The following VWA7 variants were observed in gnomAD, a reference collection of about 807,000 sequenced individuals.
VWA7 encodes von Willebrand factor A domain containing 7, also known as von Willebrand factor A domain-containing protein 7.
A neutral mutation model predicts 83.1 loss-of-function variants in VWA7; 66 were observed. The observed-to-expected ratio is 0.79, with a 90% CI of 0.65 to 0.98. VWA7 has a LOEUF of 0.98. Ranked by LOEUF, VWA7 falls within the 50% of genes least tolerant of loss-of-function variation. The pLI is 0.00. For missense variants in VWA7, 1,080 were observed against 1,160.2 expected (o/e 0.93, Z 1.00); for synonymous variants, 424 against 488.5 (o/e 0.87, Z 1.74).
At chr6:31,774,399 G>T in intron 5 of VWA7, 117 bp downstream of exon 5, 4 of 978,990 alleles carry the variant, frequency 4.1e-6, no homozygotes, top group Non-Finnish European at 6.0e-6. Context: ...CCTGTTCCCA[G>T]CATCCTCTCC....
Position 31,766,808 on chromosome 6 carries a change from A to G in VWA7, c.1883-44T>C, listed in dbSNP as rs1444716000. On this transcript the variant is annotated intron_variant, in intron 13 of 16. Transcript: ENST00000375688. This position sits in a 1 kb window ranked among gnomAD's most constrained non-coding sequence, Gnocchi z 4.9. The stretch of plus-strand genomic sequence containing the variant: ...GGGGAGAACATTGTGAGATTCGGAG[A>G]CACAGGGAGAAAAGAATTAATGGCC... 1.3e-6 allele frequency: 2 copies of G among 1,553,908 alleles called. No homozygotes were observed. The highest frequency in any genetic ancestry group is 2.3e-5 in the East Asian group (1 of 44,098).
At chr6:31,774,980 G>T (rs1426369058) in intron 4 of VWA7, among the ~76,000 whole-genome samples, 1 of 152,156 alleles carries the variant, frequency 6.6e-6, no homozygotes, top group African/African-American at 2.4e-5. Flanking sequence ...AACACAGTAC[G>T]TGTAGGGACC....
Position 31,770,001 on chromosome 6 carries a change from C to G in VWA7, c.1200G>C (p.Gln400His), listed in dbSNP as rs981630518. Residue 400 changes from glutamine (Q) to histidine (H), a missense_variant and splice_region_variant, in exon 8 of 17, where the codon CAG becomes CAC. Gln to His is a conservative substitution (Grantham distance 24). Coordinates refer to ENST00000375688, the MANE Select transcript of VWA7 (RefSeq NM_025258.3). Reference sequence around the variant, plus strand: ...ACGGGGAAGAAGGGAGGGGCCAGACCTGCAGGGCTGACAGGCACATCTCAG... The same window carrying G: ...ACGGGGAAGAAGGGAGGGGCCAGACGTGCAGGGCTGACAGGCACATCTCAG... ...DEPEMCLSAL[Q>H]LALLHTPPLS... The G allele has an allele frequency of 6.8e-6, 11 of 1,612,674 alleles. No individual in the cohort carries two copies. The African/African-American group carries it at 1.2e-4, about 18-fold the overall frequency.
In VWA7 at chr6:31,774,661, C is replaced by T. The variant is rs770283964; in HGVS notation, c.611-35G>A. Reference sequence around the variant, plus strand: ...GAGGGCAGGGCTAGAACCCAAGATTCTGCCACCCCCAGCCTTTATCCCCAC... The same window carrying T: ...GAGGGCAGGGCTAGAACCCAAGATTTTGCCACCCCCAGCCTTTATCCCCAC... On this transcript the variant is annotated intron_variant, in intron 4 of 16. Coordinates refer to ENST00000375688, the MANE Select transcript of VWA7 (RefSeq NM_025258.3). 33 of 1,571,612 alleles carry T rather than the reference C, an allele frequency of 2.1e-5. No homozygotes were observed. The South Asian group carries it at 3.5e-4, about 17-fold the overall frequency.
Position 31,769,041 on chromosome 6 carries a change from C to T in VWA7, c.1480G>A (p.Val494Ile). The change falls in exon 10 of 17, where the codon GTT (valine) becomes ATT (isoleucine). Residue 494 changes from valine (V) to isoleucine (I), a missense_variant. Physicochemically the swap from Val to Ile is conservative, Grantham distance 29. Transcript: ENST00000375688. This position sits in a 1 kb window ranked among gnomAD's most constrained non-coding sequence, Gnocchi z 4.5. ...ACCAGGGCAGCCATGCTCTCCCCAA[C>T]AATGGCTGCCACGTCTCGAATGTGC... Reference protein sequence around the residue: ...DQHIRDVAAIVGESMAALVTL... With the variant: ...DQHIRDVAAIIGESMAALVTL... 6.2e-7 allele frequency: 1 copy of T among 1,612,310 alleles called. No homozygotes were observed. Among genetic ancestry groups the T allele is most frequent in the Non-Finnish European group, 8.5e-7 (1 of 1,179,708 alleles).
In VWA7 at chr6:31,765,766, C is replaced by G. The variant is rs375942272; in HGVS notation, c.2504G>C (p.Arg835Pro). Residue 835 changes from arginine (R) to proline (P), a missense_variant, in exon 17 of 17, where the codon CGG becomes CCG. By Grantham distance (103) the Arg-to-Pro change is moderately radical. Transcript: ENST00000375688. ...AGATGAGCCGGTAGGGGTGGTGTGC[C>G]GGTCCTGTGGGGAAAAGGAAGAGAA... ...LLVSAPAPQDRHTTPTGSSDP... is the reference protein window; with the variant it reads ...LLVSAPAPQDPHTTPTGSSDP... 1.9e-6 allele frequency: 3 copies of G among 1,585,368 alleles called. No homozygotes were observed. Among genetic ancestry groups the G allele is most frequent in the Non-Finnish European group, 2.6e-6 (3 of 1,164,628 alleles).
rs188181884 is a variant in VWA7, at chr6:31,766,112, C to G, written c.2325-55G>C. 19 of 1,602,884 alleles carry G rather than the reference C, an allele frequency of 1.2e-5. No individual in the cohort carries two copies. The Admixed American group carries it at 1.7e-4, about 14-fold the overall frequency. ...CTCCAGGCTGCCCAGAGCCTAGAGTCGGGACGCCTGCAGGGGCACGGGAGC... is the reference window on the plus strand; with the variant it reads ...CTCCAGGCTGCCCAGAGCCTAGAGTGGGGACGCCTGCAGGGGCACGGGAGC... On this transcript the variant is annotated intron_variant, in intron 15 of 16. Coordinates refer to ENST00000375688, the MANE Select transcript of VWA7 (RefSeq NM_025258.3). The surrounding 1 kb of genome is among the most constrained non-coding windows in gnomAD (Gnocchi z 4.9).
chr6:31,774,386 C>T, intron 5 of VWA7, 130 bp downstream of exon 5: 2 of 860,730 alleles, frequency 2.3e-6, no homozygotes, highest in East Asian at 2.7e-5. Context: ...TTCCTCCACC[C>T]ACCCTGTTCC....
chr6:31,767,010 A>G (rs28478566), intron 13 of VWA7, 148 bp downstream of exon 13: 2 of 480,134 alleles, frequency 4.2e-6, no homozygotes, highest in African/African-American at 4.0e-5. Context: ...TATGTAAATT[A>G]TAACTCAATA....
chr6:31,772,932 G>A, intron 7 of VWA7, 22 bp downstream of exon 7: 1 of 1,605,624 alleles, frequency 6.2e-7, no homozygotes, highest in South Asian at 1.1e-5. Context: ...CCCCTCTACT[G>A]TCCTAGCCAG....
intron 7 of VWA7, among the ~76,000 whole-genome samples, chr6:31,771,003 C>T (rs565151594): frequency 7.5e-6 from 1 of 133,736 alleles, no homozygotes; most frequent in South Asian, 2.5e-4. Flanking sequence ...CTCTCCCTCT[C>T]TCTCTCTCAA....
In VWA7 at chr6:31,772,955, T is replaced by C; in HGVS notation, c.1086A>G (p.Pro362=). Residue 362 remains proline, a splice_region_variant and synonymous_variant, in exon 7 of 17, where the codon CCA becomes CCG. Coordinates refer to ENST00000375688, the MANE Select transcript of VWA7 (RefSeq NM_025258.3). ...CTGTCCTAGCCAGACCACACTTACC[T>C]GGGTCATGAAAAGGCACCAGGACAT... ...VHYVLVPFHD[P]GFGPVFTTSD... 6.2e-7 allele frequency: 1 copy of C among 1,610,050 alleles called. No individual in the cohort carries two copies. Among genetic ancestry groups the C allele is most frequent in the Non-Finnish European group, 8.5e-7 (1 of 1,179,376 alleles).
rs1811932099 is a variant in VWA7, at chr6:31,769,192, C to T, written c.1329G>A (p.Leu443=). The T allele has an allele frequency of 1.2e-6, 2 of 1,612,620 alleles. No individual in the cohort carries two copies. Among genetic ancestry groups the T allele is most frequent in the South Asian group, 2.2e-5 (2 of 91,076 alleles). Residue 443 remains leucine (L), a synonymous_variant, in exon 10 of 17, where the codon CTG becomes CTA. Transcript: ENST00000375688. This position sits in a 1 kb window ranked among gnomAD's most constrained non-coding sequence, Gnocchi z 4.5. ...GAACCCTTGATGTATCTTCAGTCAC[C>T]AGGAATGTTACCTGTACCCAGAAGA... ...TQERRCRVTF[L]VTEDTSRVQG...
Position 31,769,036 on chromosome 6 carries a change from C to T in VWA7, c.1485G>A (p.Gly495=). The change falls in exon 10 of 17, where the codon GGG becomes GGA. Residue 495 remains glycine, a synonymous_variant. Transcript: ENST00000375688. The surrounding 1 kb of genome is among the most constrained non-coding windows in gnomAD (Gnocchi z 4.5). Reference sequence around the variant, plus strand: ...CACTTACCAGGGCAGCCATGCTCTCCCCAACAATGGCTGCCACGTCTCGAA... The same window carrying T: ...CACTTACCAGGGCAGCCATGCTCTCTCCAACAATGGCTGCCACGTCTCGAA... ...QHIRDVAAIV[G]ESMAALVTLP... 1 of 1,612,204 alleles carries T rather than the reference C, an allele frequency of 6.2e-7. No individual in the cohort carries two copies.
At chr6:31,768,939 T>G (rs895179712) in intron 10 of VWA7, 79 bp downstream of exon 10, 1 of 1,416,808 alleles carries the variant, frequency 7.1e-7, no homozygotes, top group African/African-American at 1.4e-5. Flanking sequence ...GTGAGAGTGA[T>G]TCCCCTTTCT....
chr6:31,775,869 G>A lies in VWA7; in HGVS notation c.513+95C>T. 6.6e-7 allele frequency: 1 copy of A among 1,505,368 alleles called. No homozygotes were observed. Among genetic ancestry groups the A allele is most frequent in the Non-Finnish European group, 8.9e-7 (1 of 1,129,524 alleles). The allele number at this position is 1,505,368 out of a possible 1,614,324, so 93.3% of individuals were successfully genotyped here. A position where few individuals can be genotyped will look rare whatever the true frequency, so the allele number is the denominator to read the frequency against. On this transcript the variant is annotated intron_variant, in intron 3 of 16. Coordinates refer to ENST00000375688, the MANE Select transcript of VWA7 (RefSeq NM_025258.3). This position sits in a 1 kb window ranked among gnomAD's most constrained non-coding sequence, Gnocchi z 5.9. ...AGTGCCCACCCCTTCCAGAGTGGAGGAGACATGATCAAGAAGGCACCATAG... is the reference window on the plus strand; with the variant it reads ...AGTGCCCACCCCTTCCAGAGTGGAGAAGACATGATCAAGAAGGCACCATAG...
Position 31,772,962 on chromosome 6 carries a change from T to C in VWA7, c.1079A>G (p.His360Arg), listed in dbSNP as rs956518348. ...AGCCAGACCACACTTACCTGGGTCA[T>C]GAAAAGGCACCAGGACATAGTGGAC... ...EPVHYVLVPF[H>R]DPGFGPVFTT... Residue 360 changes from histidine to arginine, a missense_variant, in exon 7 of 17, where the codon CAT becomes CGT. His to Arg is a conservative substitution (Grantham distance 29). Coordinates refer to ENST00000375688, the MANE Select transcript of VWA7 (RefSeq NM_025258.3). 6.3e-7 allele frequency: 1 copy of C among 1,588,450 alleles called. No homozygotes were observed. The highest frequency in any genetic ancestry group is 1.3e-5 in the African/African-American group (1 of 74,758).
At chr6:31,770,571 CAA>C (rs9281576) in intron 7 of VWA7, among the ~76,000 whole-genome samples, 213 of 82,280 alleles carry the variant, frequency 2.6e-3, no homozygotes, top group African/African-American at 9.7e-3. Flanking sequence ...GACTCCATCT[CAA>C]AAAAAAAAAA....
Position 31,767,703 on chromosome 6 carries a change from A to C in VWA7, c.1555T>G (p.Phe519Val). The C allele has an allele frequency of 6.2e-7, 1 of 1,613,198 alleles. No homozygotes were observed. The highest frequency in any genetic ancestry group is 2.2e-5 in the East Asian group (1 of 44,846). ...PVVVPGQPLVFSVDGLLQKIT... is the reference protein window; with the variant it reads ...PVVVPGQPLVVSVDGLLQKIT... ...TTCTGGAGCAGCCCATCCACGCTGA[A>C]CACAAGTGGCTGCCCAGGCACCACA... Residue 519 changes from phenylalanine (F) to valine (V), a missense_variant, in exon 11 of 17, where the codon TTC (phenylalanine) becomes GTC (valine). Transcript: ENST00000375688.
Sources: allele counts gnomAD v4.1 joint callset (sites outside exome capture counted in the v4.1 genomes callset), GRCh38; gene constraint gnomAD v4.1.1; non-coding constraint Gnocchi (gnomAD v3.1); transcripts MANE v1.5; gene names NCBI Gene and HGNC (gene_info 2026-07-23, HGNC 2026-07-21).